CDC73: variants seen among roughly 807,000 people sequenced by gnomAD.
CDC73 encodes cell division cycle 73.
Under a neutral mutation model 83.7 loss-of-function variants are expected in CDC73, and 21 were observed. The observed-to-expected ratio is 0.25, with a 90% CI of 0.18 to 0.36. The LOEUF is 0.36. Ranked by LOEUF, CDC73 falls within the 10% of genes least tolerant of loss-of-function variation. The pLI is 1.00. For synonymous variants in CDC73, 224 were observed against 212.9 expected (o/e 1.05, Z -0.45); for missense variants, 342 against 653.3 (o/e 0.52, Z 5.19).
rs114017278 is a variant in CDC73 at position 193,200,659 on chromosome 1, G to A, written c.973-3136G>A. On this transcript the variant is annotated intron_variant, in intron 10 of 16. Coordinates refer to ENST00000367435, the MANE Select transcript of CDC73 (RefSeq NM_024529.5). ...TTGTGCCGATACCTTTCTTTTCCCC[G>A]CTGGGTAGTGTTTTTTCTTCCAATC... Among the ~76,000 whole-genome samples, 1,444 of 152,116 alleles carry A rather than the reference G, an allele frequency of 9.5e-3. 15 individuals carry two copies. The highest frequency in any genetic ancestry group is 0.034 in the South Asian group (164 of 4,816).
intron 10 of CDC73, among the ~76,000 whole-genome samples, chr1:193,170,250 G>A (rs1157165415): frequency 6.6e-6 from 1 of 152,120 alleles, no homozygotes; most frequent in African/African-American, 2.4e-5. Context: ...GTGCTGCAGT[G>A]AATATACGCA....
chr1:193,165,270 T>C (rs1676417611), intron 10 of CDC73, among the ~76,000 whole-genome samples: 1 of 152,214 alleles, frequency 6.6e-6, no homozygotes, highest in African/African-American at 2.4e-5. Context: ...AATTAGTAAT[T>C]TCAGTGCTGC....
chr1:193,239,795 T>C (rs1205409622), intron 15 of CDC73, among the ~76,000 whole-genome samples: 1 of 152,192 alleles, frequency 6.6e-6, no homozygotes, highest in Non-Finnish European at 1.5e-5. Context: ...TAATACATTA[T>C]TGTTAAGTAT....
intron 10 of CDC73, among the ~76,000 whole-genome samples, chr1:193,168,724 A>G (rs537508918): frequency 6.6e-6 from 1 of 152,202 alleles, no homozygotes; most frequent in Non-Finnish European, 1.5e-5. Context: ...GGGTTTCACC[A>G]AGTTGGCCAG....
chr1:193,130,072 TCAAGA>T, intron 2 of CDC73, 97 bp from the exon 3 acceptor site: 1 of 686,302 alleles, frequency 1.5e-6, no homozygotes, highest in Admixed American at 2.3e-5. Flanking sequence ...ATACGTTTTT[TCAAGA>T]TATGTTGGAA....
intron 13 of CDC73, among the ~76,000 whole-genome samples, chr1:193,223,569 T>A (rs1296817286): frequency 6.6e-6 from 1 of 152,120 alleles, no homozygotes. Flanking sequence ...TGAGTTTATT[T>A]CTAGTTTACC....
At chr1:193,200,331 A>G (rs893422165) in intron 10 of CDC73, among the ~76,000 whole-genome samples, 7 of 152,192 alleles carry the variant, frequency 4.6e-5, no homozygotes, top group African/African-American at 7.2e-5. Flanking sequence ...ATGGTATTAT[A>G]TATTACGATA....
chr1:193,248,193 C>T (rs943029165), intron 15 of CDC73, among the ~76,000 whole-genome samples: 3 of 151,864 alleles, frequency 2.0e-5, no homozygotes, highest in Admixed American at 6.6e-5. Context: ...ATCCTAGGGC[C>T]GCTAGGAATT....
intron 13 of CDC73, among the ~76,000 whole-genome samples, chr1:193,226,566 A>G (rs1677570904): frequency 6.6e-6 from 1 of 152,174 alleles, no homozygotes; most frequent in South Asian, 2.1e-4. Flanking sequence ...TTCTACATCT[A>G]TTGAGATGAT....
In CDC73 at chr1:193,181,492, C is replaced by T. The variant is rs201702090; in HGVS notation, c.973-22303C>T. 7.4e-6 allele frequency: 12 copies of T among 1,613,048 alleles called. No homozygotes were observed. The highest frequency in any genetic ancestry group is 4.0e-5 in the African/African-American group (3 of 74,924). On this transcript the variant is annotated intron_variant, in intron 10 of 16. Coordinates refer to ENST00000367435, the MANE Select transcript of CDC73 (RefSeq NM_024529.5). The stretch of plus-strand genomic sequence containing the variant: ...AGAAAGTACTCCAATAAGATGAGTG[C>T]GGAACAGAGACCTTTTGGCATTCCA...
At chr1:193,195,948 A>G (rs1277085366) in intron 10 of CDC73, among the ~76,000 whole-genome samples, 3 of 152,080 alleles carry the variant, frequency 2.0e-5, no homozygotes, top group East Asian at 3.9e-4. Flanking sequence ...CCCTTCCTGT[A>G]GGTTGCCTTT....
At chr1:193,166,810 G>A (rs1676442827) in intron 10 of CDC73, among the ~76,000 whole-genome samples, 1 of 152,030 alleles carries the variant, frequency 6.6e-6, no homozygotes, top group Non-Finnish European at 1.5e-5. Flanking sequence ...ACCACGCCCG[G>A]CTATTTTGTA....
intron 5 of CDC73, among the ~76,000 whole-genome samples, chr1:193,137,428 G>A (rs1675820874): frequency 6.6e-6 from 1 of 152,156 alleles, no homozygotes; most frequent in South Asian, 2.1e-4. Context: ...GTTGAATGTG[G>A]ACATTAAACT....
At chr1:193,214,392 A>T (rs762975248) in intron 13 of CDC73, among the ~76,000 whole-genome samples, 17 of 152,108 alleles carry the variant, frequency 1.1e-4, no homozygotes, top group Admixed American at 2.0e-4. Context: ...ATGTTTCATA[A>T]TTGTTTGAGT....
chr1:193,234,080 T>C (rs1054361844), intron 14 of CDC73, among the ~76,000 whole-genome samples: 1 of 148,706 alleles, frequency 6.7e-6, no homozygotes, highest in East Asian at 2.0e-4. Context: ...CTGCAATTAA[T>C]TAGTGTCACA....
chr1:193,179,790 TAACTC>T (rs1676679611), intron 10 of CDC73: 1 of 152,618 alleles, frequency 6.6e-6, no homozygotes, highest in Admixed American at 6.6e-5. Context: ...GTTTGTGGAA[TAACTC>T]AACTAAATCT....
chr1:193,237,553 C>T (rs865955570), intron 15 of CDC73, among the ~76,000 whole-genome samples: 3 of 152,102 alleles, frequency 2.0e-5, no homozygotes, highest in Non-Finnish European at 4.4e-5. Flanking sequence ...TTACTTAGGC[C>T]TCCCAGAACG....
chr1:193,247,476 T>C (rs1677974147), intron 15 of CDC73, among the ~76,000 whole-genome samples: 1 of 152,060 alleles, frequency 6.6e-6, no homozygotes, highest in Non-Finnish European at 1.5e-5. Flanking sequence ...GACCTCCAAG[T>C]GTTTAAATGA....
At position 193,138,126 on chromosome 1, in the gene CDC73, C is replaced by G. The variant is rs559275109; in HGVS notation, c.465C>G (p.Ala155=). 6.2e-7 allele frequency: 1 copy of G among 1,613,502 alleles called. No homozygotes were observed. The highest frequency in any genetic ancestry group is 2.2e-5 in the East Asian group (1 of 44,836). Reference sequence around the variant, plus strand: ...GCCTTGATAAAGAGAGATTGGCTGCCCGTTTGGAGGGTCACAAAGAAGGGA... The same window carrying G: ...GCCTTGATAAAGAGAGATTGGCTGCGCGTTTGGAGGGTCACAAAGAAGGGA... ...CVRLDKERLA[A]RLEGHKEGIV... The change falls in exon 6 of 17, where the codon GCC becomes GCG. Residue 155 remains alanine (A), a synonymous_variant. Coordinates refer to ENST00000367435, the MANE Select transcript of CDC73 (RefSeq NM_024529.5).
Sources: allele counts gnomAD v4.1 joint callset (sites outside exome capture counted in the v4.1 genomes callset), GRCh38; gene constraint gnomAD v4.1.1; transcripts MANE v1.5; gene names NCBI Gene and HGNC (gene_info 2026-07-23, HGNC 2026-07-21).